The following WDR59 variants were observed in gnomAD, a reference collection of about 807,000 sequenced individuals.
WDR59 encodes the protein WD repeat domain 59.
WDR59 carries 100 observed loss-of-function variants against 131.2 expected under a neutral mutation model. That is an observed-to-expected ratio of 0.76 (90% CI 0.65 to 0.90). The LOEUF is 0.90. WDR59 is among the 40% of genes least tolerant of loss of function. WDR59 has a pLI of 0.00. For synonymous variants in WDR59, 601 were observed against 466.2 expected (o/e 1.29, Z -3.72); for missense variants, 1,203 against 1,262.2 (o/e 0.95, Z 0.71).
chr16:74,951,343 G>C lies in WDR59; in HGVS notation c.326+115C>G. 2 of 1,024,006 alleles carry C rather than the reference G, an allele frequency of 2.0e-6. 1 individual carries two copies. Among genetic ancestry groups the C allele is most frequent in the Non-Finnish European group, 3.0e-6 (2 of 671,134 alleles). The allele number at this position is 1,024,006 out of a possible 1,614,324, so 63.4% of individuals were successfully genotyped here. ...ATGCTAATAACCCGCTGACCACCCGGGACCTGTGCAACACAGACAGTCAAG... is the reference window on the plus strand; with the variant it reads ...ATGCTAATAACCCGCTGACCACCCGCGACCTGTGCAACACAGACAGTCAAG... On this transcript the variant is annotated intron_variant, in intron 4 of 25. Coordinates refer to ENST00000262144, the MANE Select transcript of WDR59 (RefSeq NM_030581.4).
At chr16:74,951,159 CAA>C (rs71378721) in intron 4 of WDR59, among the ~76,000 whole-genome samples, 37 of 74,598 alleles carry the variant, frequency 5.0e-4, no homozygotes, top group African/African-American at 8.8e-4. Flanking sequence ...GACTTCGTCT[CAA>C]AAAAAAAAAA....
intron 7 of WDR59, among the ~76,000 whole-genome samples, chr16:74,941,648 C>A (rs533953452): frequency 3.6e-4 from 54 of 151,620 alleles, no homozygotes; most frequent in Non-Finnish European, 3.8e-4. Context: ...GAGCCAAGGT[C>A]CCCACTGTAC....
intron 1 of WDR59, among the ~76,000 whole-genome samples, chr16:74,973,337 T>C (rs1208226276): frequency 6.6e-6 from 1 of 152,124 alleles, no homozygotes; most frequent in African/African-American, 2.4e-5. Context: ...TCTCTCTCCA[T>C]CACCCCAGCT....
chr16:74,926,059 A>ATG (rs555260258), intron 8 of WDR59, among the ~76,000 whole-genome samples: 4 of 129,206 alleles, frequency 3.1e-5, no homozygotes, highest in Non-Finnish European at 6.2e-5. Flanking sequence ...AGTCTAATAA[A>ATG]TTTTTTTTTT....
At chr16:74,890,121 C>G (rs79711239) in intron 20 of WDR59, among the ~76,000 whole-genome samples, 2,842 of 152,278 alleles carry the variant, frequency 0.019, 39 homozygotes, top group Middle Eastern at 0.044. Context: ...AGTGGGTCAT[C>G]TACTTAACCA....
At chr16:74,899,525 G>C (rs1965447211) in intron 18 of WDR59, among the ~76,000 whole-genome samples, 1 of 152,144 alleles carries the variant, frequency 6.6e-6, no homozygotes, top group Non-Finnish European at 1.5e-5. Context: ...ATTGGACAAG[G>C]AGGCAGCCCT....
chr16:74,930,494 C>T (rs917721877), intron 8 of WDR59, among the ~76,000 whole-genome samples: 1 of 151,836 alleles, frequency 6.6e-6, no homozygotes, highest in African/African-American at 2.4e-5. Flanking sequence ...AGCTTGAAAA[C>T]ATGGTAAAAA....
intron 25 of WDR59, among the ~76,000 whole-genome samples, chr16:74,882,689 G>A (rs1964546432): frequency 6.6e-6 from 1 of 151,348 alleles, no homozygotes; most frequent in East Asian, 1.9e-4. Flanking sequence ...GGCGCCTGTA[G>A]TCTCAGCCAC....
chr16:74,941,029 G>A (rs1401764507), intron 7 of WDR59, among the ~76,000 whole-genome samples: 2 of 151,442 alleles, frequency 1.3e-5, no homozygotes, highest in Non-Finnish European at 2.9e-5. Flanking sequence ...GTGACAAACT[G>A]AATAAAACCA....
At chr16:74,949,376 G>A (rs2032852807) in intron 5 of WDR59, among the ~76,000 whole-genome samples, 1 of 143,724 alleles carries the variant, frequency 7.0e-6, no homozygotes, top group African/African-American at 2.6e-5. Flanking sequence ...AAGAGAGGAA[G>A]GAAGGAAAGA....
chr16:74,899,991 T>C (rs1484527166), intron 18 of WDR59, among the ~76,000 whole-genome samples: 3 of 152,160 alleles, frequency 2.0e-5, no homozygotes, highest in Non-Finnish European at 4.4e-5. Context: ...TCAATTTCAT[T>C]GTTCTTTTAG....
At chr16:74,958,609 A>AAAAAAAAAAAAAAAAAAAAAAAAAG (rs1394075409) in intron 2 of WDR59, among the ~76,000 whole-genome samples, 1 of 143,224 alleles carries the variant, frequency 7.0e-6, no homozygotes, top group Non-Finnish European at 1.5e-5. Context: ...AAAAAAAAAA[A>AAAAAAAAAAAAAAAAAAAAAAAAAG]AAAAAAAAAA....
chr16:74,930,570 A>G (rs1456431929), intron 8 of WDR59, among the ~76,000 whole-genome samples: 1 of 152,142 alleles, frequency 6.6e-6, no homozygotes, highest in African/African-American at 2.4e-5. Context: ...AAACTTTATG[A>G]AAGTTTTTTT....
At chr16:74,954,684 C>G (rs1386798557) in intron 3 of WDR59, among the ~76,000 whole-genome samples, 1 of 152,220 alleles carries the variant, frequency 6.6e-6, no homozygotes, top group Non-Finnish European at 1.5e-5. Flanking sequence ...TACCTCCACA[C>G]ATATGTTCAT....
At position 74,886,311 on chromosome 16, in the gene WDR59, A is replaced by T. The variant is rs752594541; in HGVS notation, c.2505T>A (p.Asp835Glu). Reference sequence around the variant, plus strand: ...GCTGGTCGCGTTCTCGCTCACGGGGATCACTGTAGGTCAGACTCCCAAAGC... The same window carrying T: ...GCTGGTCGCGTTCTCGCTCACGGGGTTCACTGTAGGTCAGACTCCCAAAGC... ...ELRFGSLTYS[D>E]PRERERDQHD... is the part of the protein sequence containing the mutation. The change falls in exon 24 of 26, where the codon GAT (aspartate) becomes GAA (glutamate). Residue 835 changes from aspartate (D) to glutamate (E), a missense_variant. By Grantham distance (45) the Asp-to-Glu change is conservative. Transcript: ENST00000262144. 1.4e-5 allele frequency: 22 copies of T among 1,613,740 alleles called. No individual in the cohort carries two copies. The highest frequency in any genetic ancestry group is 1.8e-5 in the Non-Finnish European group (21 of 1,179,946).
At chr16:74,916,858 CAAA>C (rs34120750) in intron 11 of WDR59, among the ~76,000 whole-genome samples, 1 of 139,620 alleles carries the variant, frequency 7.2e-6, no homozygotes, top group Non-Finnish European at 1.5e-5. Context: ...GACTCCATCT[CAAA>C]AAAAAAAAAA....
intron 20 of WDR59, among the ~76,000 whole-genome samples, chr16:74,890,784 C>T (rs1965002887): frequency 6.6e-6 from 1 of 152,196 alleles, no homozygotes; most frequent in South Asian, 2.1e-4. Context: ...CTAAACCCAT[C>T]ATGTCATAAG....
chr16:74,945,078 C>A (rs537430286), intron 6 of WDR59, among the ~76,000 whole-genome samples: 9 of 151,170 alleles, frequency 6.0e-5, no homozygotes, highest in Non-Finnish European at 1.2e-4. Flanking sequence ...GAGCCAAGAT[C>A]GTGTCACCGC....
intron 3 of WDR59, among the ~76,000 whole-genome samples, chr16:74,952,881 G>A (rs2033082686): frequency 6.6e-6 from 1 of 151,926 alleles, no homozygotes; most frequent in Non-Finnish European, 1.5e-5. Context: ...ATTGAAAAAG[G>A]TAAGATTCTT....
Sources: gnomAD v4.1 joint callset for allele counts (sites outside exome capture counted in the v4.1 genomes callset) on GRCh38, gnomAD v4.1.1 for gene constraint, MANE v1.5 for transcripts, NCBI Gene and HGNC (gene_info 2026-07-23, HGNC 2026-07-21) for gene names.